The following VWF variants were observed in gnomAD, a reference collection of about 807,000 sequenced individuals.
VWF encodes the protein Factor VIII related antigen.
Under a neutral mutation model 308.6 loss-of-function variants are expected in VWF, and 176 were observed. That is an observed-to-expected ratio of 0.57 (90% CI 0.50 to 0.65). The LOEUF (loss-of-function observed/expected upper bound fraction) is 0.65, where lower values mean the gene tolerates loss of function less well. Ranked by LOEUF, VWF falls within the 30% of genes least tolerant of loss-of-function variation. The pLI is 0.00. For missense variants in VWF, 3,146 were observed against 3,648.2 expected, an observed-to-expected ratio of 0.86 and a Z score of 3.55; for synonymous variants, 1,385 against 1,443.4, an observed-to-expected ratio of 0.96 and a Z score of 0.92.
Position 5,985,421 on chromosome 12 carries a change from C to A in VWF, c.6901+142G>T, listed in dbSNP as rs924761473. 5.3e-6 allele frequency: 5 copies of A among 943,648 alleles called. No individual in the cohort carries two copies. In the African/African-American group the frequency reaches 8.2e-5, roughly 15 times the overall value. The allele number at this position is 943,648 out of a possible 1,614,324, so 58.5% of individuals were successfully genotyped here. Reference sequence around the variant, plus strand: ...CAGGCCCAGTGATGGGAAATGCAGGCTGGGCAAGGAAGCCCACCCACTCTA... The same window carrying A: ...CAGGCCCAGTGATGGGAAATGCAGGATGGGCAAGGAAGCCCACCCACTCTA... On this transcript the variant is annotated intron_variant, in intron 39 of 51. Coordinates refer to ENST00000261405, the MANE Select transcript of VWF (RefSeq NM_000552.5).
At chr12:6,031,102 T>TAC (rs67042989) in intron 21 of VWF, among the ~76,000 whole-genome samples, 1,654 of 151,162 alleles carry the variant, frequency 0.011, 16 homozygotes, top group African/African-American at 0.026. Flanking sequence ...CATCACTTCA[T>TAC]ACACACACAC....
At chr12:5,975,373 A>C (rs1591838448) in intron 43 of VWF, among the ~76,000 whole-genome samples, 1 of 152,318 alleles carries the variant, frequency 6.6e-6, no homozygotes, top group Admixed American at 6.5e-5. Context: ...ATCGCATTAA[A>C]CCAGCAAGCA....
chr12:6,083,386 A>C (rs1944935892), intron 6 of VWF, among the ~76,000 whole-genome samples: 1 of 152,156 alleles, frequency 6.6e-6, no homozygotes, highest in South Asian at 2.1e-4. Flanking sequence ...GCAATATGGC[A>C]AAACCTTATC....
Position 6,123,163 on chromosome 12 carries a change from C to G in VWF, c.34G>C (p.Ala12Pro), listed in dbSNP as rs1945449340. 2 of 1,614,184 alleles carry G rather than the reference C, an allele frequency of 1.2e-6. No individual in the cohort carries two copies. The highest frequency in any genetic ancestry group is 8.5e-7 in the Non-Finnish European group (1 of 1,180,046). The part of the protein sequence containing the change: ...IPARFAGVLL[A>P]LALILPGTLC... ...CTACCTGGCAAAATGAGGGCCAGAG[C>G]AAGCAGCACCCCGGCAAATCTGGCA... Residue 12 changes from alanine (A) to proline (P), a missense_variant, in exon 2 of 52, where the codon GCT (alanine) becomes CCT (proline). Transcript: ENST00000261405.
chr12:6,122,791 T>C (rs1434683084), intron 2 of VWF: 1 of 574,544 alleles, frequency 1.7e-6, no homozygotes, highest in Non-Finnish European at 3.4e-6. Flanking sequence ...GTCTCTTCAT[T>C]GTACCATGGG....
intron 42 of VWF, among the ~76,000 whole-genome samples, chr12:5,977,594 G>T (rs1481228041): frequency 6.6e-6 from 1 of 152,078 alleles, no homozygotes; most frequent in Non-Finnish European, 1.5e-5. Context: ...TAAAGGCTGG[G>T]CACGGTGGCT....
chr12:6,003,038 C>T (rs576777213), intron 34 of VWF, among the ~76,000 whole-genome samples: 52 of 152,150 alleles, frequency 3.4e-4, no homozygotes, highest in African/African-American at 1.2e-3. Flanking sequence ...AGATGGTAGA[C>T]TCACTAAAGA....
chr12:6,045,492 G>A (rs971085959), intron 17 of VWF, among the ~76,000 whole-genome samples: 3 of 152,180 alleles, frequency 2.0e-5, no homozygotes, highest in Non-Finnish European at 4.4e-5. Context: ...GCAACAGAGA[G>A]TGGGTGTGGG....
chr12:6,073,957 A>G (rs1353107191), intron 7 of VWF, among the ~76,000 whole-genome samples: 2 of 151,828 alleles, frequency 1.3e-5, no homozygotes, highest in African/African-American at 4.8e-5. Context: ...CCTTACCAAG[A>G]CCCATCGGGG....
At position 5,984,997 on chromosome 12, in the gene VWF, T is replaced by C. The variant is rs1943661237; in HGVS notation, c.6976+48A>G. 1.9e-6 allele frequency: 3 copies of C among 1,598,366 alleles called. No individual in the cohort carries two copies. In the East Asian group the frequency reaches 6.7e-5, roughly 36 times the overall value. ...TCAGCACCTTCAACGTGGTGCCCCC[T>C]GGGGCTAGGGTTGGGCCCTGGAGAC... On this transcript the variant is annotated intron_variant, in intron 40 of 51. Coordinates refer to ENST00000261405, the MANE Select transcript of VWF (RefSeq NM_000552.5).
chr12:5,965,427 T>C (rs1943390921), intron 47 of VWF, among the ~76,000 whole-genome samples: 1 of 152,200 alleles, frequency 6.6e-6, no homozygotes, highest in South Asian at 2.1e-4. Context: ...GGAAGGTCTA[T>C]TCGACATTCA....
chr12:6,077,370 G>A (rs1168422302), intron 6 of VWF, among the ~76,000 whole-genome samples: 2 of 152,172 alleles, frequency 1.3e-5, no homozygotes, highest in African/African-American at 2.4e-5. Flanking sequence ...GGCATGGGCT[G>A]CTCAACTGCA....
Position 5,949,190 on chromosome 12 carries a change from C to T in VWF, c.8267G>A (p.Ser2756Asn). The change falls in exon 52 of 52, where the codon AGC (serine) becomes AAC (asparagine). Residue 2756 changes from serine to asparagine, a missense_variant. Transcript: ENST00000261405. Reference protein sequence around the residue: ...DIHYCQGKCASKAMYSIDIND... With the variant: ...DIHYCQGKCANKAMYSIDIND... ...GATGTCAATGGAGTACATGGCTTTG[C>T]TGGCACATTTGCCCTGCAAGAAAGC... 2 of 1,614,034 alleles carry T rather than the reference C, an allele frequency of 1.2e-6. No homozygotes were observed. Among genetic ancestry groups the T allele is most frequent in the Non-Finnish European group, 1.7e-6 (2 of 1,180,036 alleles).
intron 34 of VWF, among the ~76,000 whole-genome samples, chr12:6,004,098 G>A (rs1591854138): frequency 6.6e-6 from 1 of 152,046 alleles, no homozygotes; most frequent in African/African-American, 2.4e-5. Flanking sequence ...TAGTTAAAAG[G>A]ATAAATTTTA....
intron 42 of VWF, among the ~76,000 whole-genome samples, chr12:5,977,272 G>C (rs1943542877): frequency 6.6e-6 from 1 of 152,224 alleles, no homozygotes; most frequent in Non-Finnish European, 1.5e-5. Flanking sequence ...CAAAATGACA[G>C]ATGCACACGG....
At chr12:6,000,002 T>C (rs1042405072) in intron 34 of VWF, among the ~76,000 whole-genome samples, 4 of 149,776 alleles carry the variant, frequency 2.7e-5, no homozygotes, top group African/African-American at 4.9e-5. Flanking sequence ...AATGAGTTAA[T>C]GAAGAAAGTA....
intron 6 of VWF, among the ~76,000 whole-genome samples, chr12:6,093,932 A>G (rs2136498227): frequency 6.6e-6 from 1 of 152,272 alleles, no homozygotes; most frequent in East Asian, 1.9e-4. Context: ...CTACAAGGCT[A>G]CCTTGTAAGT....
intron 18 of VWF, among the ~76,000 whole-genome samples, chr12:6,040,035 G>A (rs111665024): frequency 3.3e-5 from 5 of 152,126 alleles, no homozygotes; most frequent in African/African-American, 9.7e-5. Context: ...GGCTTGACCC[G>A]GCTCTGTTCC....
chr12:5,976,802 A>G (rs1943539246), intron 42 of VWF, among the ~76,000 whole-genome samples: 1 of 152,198 alleles, frequency 6.6e-6, no homozygotes, highest in Admixed American at 6.5e-5. Context: ...TGGGAAGAAC[A>G]ATAGGCTCTG....
Sources: allele counts gnomAD v4.1 joint callset (sites outside exome capture counted in the v4.1 genomes callset), GRCh38; gene constraint gnomAD v4.1.1; transcripts MANE v1.5; gene names NCBI Gene and HGNC (gene_info 2026-07-23, HGNC 2026-07-21).